TMEM117: variants seen among roughly 807,000 people sequenced by gnomAD.
The protein encoded by TMEM117 is transmembrane protein 117.
Under a neutral mutation model 52.4 loss-of-function variants are expected in TMEM117, and 27 were observed. The ratio of observed to expected loss-of-function variants is 0.51; its 90% confidence interval spans 0.38 to 0.71. The LOEUF (loss-of-function observed/expected upper bound fraction) is 0.71, where lower values mean the gene tolerates loss of function less well. Among genes scored for constraint, TMEM117 ranks in the 30% least tolerant of loss-of-function variants. The pLI, the probability that TMEM117 is intolerant of heterozygous loss-of-function variation, is 0.00. For synonymous variants in TMEM117, 215 were observed against 206.3 expected, an observed-to-expected ratio of 1.04 and a Z score of -0.36; for missense variants, 556 against 630.5, an observed-to-expected ratio of 0.88 and a Z score of 1.26.
intron 3 of TMEM117, among the ~76,000 whole-genome samples, chr12:44,142,391 T>G (rs547952321): frequency 2.2e-4 from 34 of 152,302 alleles, no homozygotes; most frequent in African/African-American, 7.9e-4. Context: ...AATTTTTAAG[T>G]TTGCTTTTTT....
intron 3 of TMEM117, among the ~76,000 whole-genome samples, chr12:44,100,386 A>G (rs901426530): frequency 1.3e-5 from 2 of 152,006 alleles, no homozygotes; most frequent in Admixed American, 6.6e-5. Flanking sequence ...ATAGATATCT[A>G]TGCATGCGGA....
At chr12:43,946,941 A>C (rs1945143281) in intron 3 of TMEM117, among the ~76,000 whole-genome samples, 1 of 152,240 alleles carries the variant, frequency 6.6e-6, no homozygotes, top group Non-Finnish European at 1.5e-5. Flanking sequence ...ATTATGCCTC[A>C]TCTTCATAGG....
chr12:43,968,273 G>A (rs971432282), intron 3 of TMEM117, among the ~76,000 whole-genome samples: 18 of 152,156 alleles, frequency 1.2e-4, no homozygotes, highest in Admixed American at 2.0e-4. Context: ...ACAGAACAAT[G>A]AATTTTAGCC....
At chr12:44,091,355 T>A (rs1352935) in intron 3 of TMEM117, among the ~76,000 whole-genome samples, 37,617 of 152,088 alleles carry the variant, frequency 0.25, 8,205 homozygotes, top group African/African-American at 0.59. Flanking sequence ...ATATCAACTT[T>A]CTTGTTGGCA....
chr12:44,150,380 C>T (rs1229290135), intron 4 of TMEM117, among the ~76,000 whole-genome samples: 2 of 152,076 alleles, frequency 1.3e-5, no homozygotes. Flanking sequence ...AGTCTGCCCT[C>T]AGCCTGATCT....
At chr12:44,085,447 G>A (rs1024405612) in intron 3 of TMEM117, among the ~76,000 whole-genome samples, 22 of 152,234 alleles carry the variant, frequency 1.4e-4, no homozygotes, top group Admixed American at 4.6e-4. Flanking sequence ...AAGGTGGCTA[G>A]TGGTTCTGGG....
At chr12:44,072,597 A>G (rs2137986466) in intron 3 of TMEM117, among the ~76,000 whole-genome samples, 1 of 152,300 alleles carries the variant, frequency 6.6e-6, no homozygotes, top group East Asian at 1.9e-4. Context: ...TTTGTTTCAA[A>G]TAGGGAGCTC....
At chr12:44,027,737 C>T (rs1946565205) in intron 3 of TMEM117, among the ~76,000 whole-genome samples, 1 of 152,142 alleles carries the variant, frequency 6.6e-6, no homozygotes, top group South Asian at 2.1e-4. Flanking sequence ...GACTTTAGAA[C>T]TATCGTTTGA....
intron 4 of TMEM117, among the ~76,000 whole-genome samples, chr12:44,153,730 C>A (rs536705370): frequency 3.2e-3 from 492 of 152,032 alleles, no homozygotes; most frequent in Non-Finnish European, 5.9e-3. Flanking sequence ...GTTTGCTCCA[C>A]GTATTTTTAG....
intron 5 of TMEM117, among the ~76,000 whole-genome samples, chr12:44,291,445 T>A (rs1440375867): frequency 1.4e-5 from 2 of 141,944 alleles, no homozygotes; most frequent in East Asian, 4.6e-4. Context: ...TTATCTGCAA[T>A]CAGAAACAGT....
the TMEM117 span, among the ~76,000 whole-genome samples, chr12:43,830,923 T>C: frequency 6.6e-6 from 1 of 152,220 alleles, no homozygotes; most frequent in Non-Finnish European, 1.5e-5. Context: ...TTGCTACTAG[T>C]TGGCATCATG....
At chr12:44,171,313 C>A (rs913467708) in intron 4 of TMEM117, among the ~76,000 whole-genome samples, 5 of 152,188 alleles carry the variant, frequency 3.3e-5, no homozygotes, top group African/African-American at 7.2e-5. Context: ...CCGCGCCCGG[C>A]CTTTATTAAT....
At chr12:44,342,640 CAAAAA>C (rs1205448518) in intron 6 of TMEM117, among the ~76,000 whole-genome samples, 3 of 84,594 alleles carry the variant, frequency 3.5e-5, no homozygotes, top group East Asian at 4.2e-4. Context: ...GCTGATTAGT[CAAAAA>C]AAAAAAAAAA....
the TMEM117 span, chr12:43,798,513 C>T: frequency 1.4e-6 from 2 of 1,468,254 alleles, no homozygotes; most frequent in Non-Finnish European, 9.0e-7. Flanking sequence ...GATTCTACAG[C>T]ATAAATGATA....
At chr12:43,826,949 A>G in the TMEM117 span, among the ~76,000 whole-genome samples, 1 of 152,060 alleles carries the variant, frequency 6.6e-6, no homozygotes, top group Non-Finnish European at 1.5e-5. Context: ...TTGACGATGC[A>G]ATGACCAAAA....
chr12:44,028,085 C>T (rs139815405), intron 3 of TMEM117, among the ~76,000 whole-genome samples: 2,807 of 152,144 alleles, frequency 0.018, 91 homozygotes, highest in African/African-American at 0.064. Flanking sequence ...CCCAGCTACT[C>T]GGGAGGCTGA....
In TMEM117 at chr12:44,058,332, C is replaced by G. The variant is rs996736114; in HGVS notation, c.411-85193C>G. Among the ~76,000 whole-genome samples, 3 of 152,124 alleles carry G rather than the reference C, an allele frequency of 2.0e-5. No individual in the cohort carries two copies. In the East Asian group the frequency reaches 5.8e-4, roughly 29 times the overall value. The stretch of plus-strand genomic sequence containing the variant: ...CTGAAACCTGTATTTTCTGGCTGAA[C>G]ATGATCTTCTGTAATCACAATAGAA... On this transcript the variant is annotated intron_variant, in intron 3 of 7. Coordinates refer to ENST00000266534, the MANE Select transcript of TMEM117 (RefSeq NM_032256.3).
intron 4 of TMEM117, among the ~76,000 whole-genome samples, chr12:44,159,298 A>G (rs1592567997): frequency 1.3e-5 from 2 of 152,270 alleles, no homozygotes; most frequent in African/African-American, 2.4e-5. Context: ...TTCCTTTGAA[A>G]AAACATTATT....
intron 3 of TMEM117, among the ~76,000 whole-genome samples, chr12:43,996,632 G>A (rs1160208153): frequency 8.2e-6 from 1 of 121,702 alleles, no homozygotes; most frequent in African/African-American, 2.7e-5. Flanking sequence ...CACAGAGCAA[G>A]ACTCCATCTC....
Sources: allele counts gnomAD v4.1 joint callset (sites outside exome capture counted in the v4.1 genomes callset), GRCh38; gene constraint gnomAD v4.1.1; transcripts MANE v1.5; gene names NCBI Gene and HGNC (gene_info 2026-07-23, HGNC 2026-07-21).